The following ADCY8 variants were observed in gnomAD, a reference collection of about 807,000 sequenced individuals.
ADCY8 encodes adenylate cyclase 8.
ADCY8 carries 51 observed loss-of-function variants against 119.7 expected under a neutral mutation model. The observed-to-expected ratio is 0.43, with a 90% CI of 0.34 to 0.54. The LOEUF (loss-of-function observed/expected upper bound fraction) is 0.54. Ranked by LOEUF, ADCY8 falls within the 20% of genes least tolerant of loss-of-function variation. The pLI is 0.03. For missense variants in ADCY8, 1,383 were observed against 1,598.8 expected (o/e 0.87, Z 2.30); for synonymous variants, 665 against 651.0 (o/e 1.02, Z -0.33).
intron 2 of ADCY8, among the ~76,000 whole-genome samples, chr8:130,979,993 A>G (rs1222600566): frequency 2.0e-5 from 3 of 152,196 alleles, no homozygotes; most frequent in Non-Finnish European, 4.4e-5. Context: ...TGGAGGTCAG[A>G]AGTCTGAAAG....
At position 131,040,106 on chromosome 8, in the gene ADCY8, G is replaced by T. The variant is rs1309437233; in HGVS notation, c.228C>A (p.Pro76=). The T allele has an allele frequency of 1.4e-5, 22 of 1,527,364 alleles. No homozygotes were observed. The highest frequency in any genetic ancestry group is 1.9e-5 in the Non-Finnish European group (22 of 1,143,830). 94.6% of individuals were successfully genotyped at this position (1,527,364 alleles called of 1,614,324 possible). A position where few individuals can be genotyped will look rare whatever the true frequency, so the allele number is the denominator to read the frequency against. The change falls in exon 1 of 18, where the codon CCC becomes CCA. Residue 76 remains proline (P), a synonymous_variant. Transcript: ENST00000286355. ...CTGACAGCTGCGGCGCGTGGTGGTTGGGGCCGCCGCCCGCAGGGTCCGAGG... is the reference window on the plus strand; with the variant it reads ...CTGACAGCTGCGGCGCGTGGTGGTTTGGGCCGCCGCCCGCAGGGTCCGAGG... The part of the protein sequence containing the change: ...GKASDPAGGG[P]NHHAPQLSGD...
At chr8:131,005,851 C>T (rs138392067) in intron 1 of ADCY8, among the ~76,000 whole-genome samples, 63 of 152,316 alleles carry the variant, frequency 4.1e-4, no homozygotes, top group African/African-American at 1.5e-3. Context: ...GGTGCTTCAT[C>T]AAGCCTTGTG....
intron 1 of ADCY8, among the ~76,000 whole-genome samples, chr8:131,021,963 G>A (rs1460724501): frequency 6.6e-6 from 1 of 152,084 alleles, no homozygotes; most frequent in Non-Finnish European, 1.5e-5. Context: ...AGAATTATGT[G>A]GGCAACTAAG....
intron 15 of ADCY8, among the ~76,000 whole-genome samples, chr8:130,787,597 G>T (rs1021609698): frequency 6.6e-6 from 1 of 152,144 alleles, no homozygotes; most frequent in Non-Finnish European, 1.5e-5. Context: ...GTCTACATGT[G>T]TACAGTACAT....
intron 11 of ADCY8, among the ~76,000 whole-genome samples, chr8:130,846,888 TTTCC>T (rs767208726): frequency 0.018 from 357 of 19,782 alleles, 7 homozygotes; most frequent in South Asian, 0.027. Flanking sequence ...TTCCCTTCCC[TTTCC>T]TTCCTTCCTT....
intron 9 of ADCY8, among the ~76,000 whole-genome samples, chr8:130,852,254 T>G (rs1233812228): frequency 6.6e-6 from 1 of 151,840 alleles, no homozygotes; most frequent in African/African-American, 2.4e-5. Flanking sequence ...TTGGTAGAGG[T>G]TTTTTTTGTT....
intron 9 of ADCY8, among the ~76,000 whole-genome samples, chr8:130,860,747 G>T (rs1817899398): frequency 6.6e-6 from 1 of 152,046 alleles, no homozygotes; most frequent in Admixed American, 6.5e-5. Context: ...TAGGTTTTAA[G>T]CCCTGCATGC....
rs762353481 is a variant in ADCY8, at chr8:130,990,549, T to C, written c.961-7A>G. 28 of 1,612,944 alleles carry C rather than the reference T, an allele frequency of 1.7e-5. No individual in the cohort carries two copies. The highest frequency in any genetic ancestry group is 1.5e-4 in the Admixed American group (9 of 59,936). The stretch of plus-strand genomic sequence containing the variant: ...GCACTGCCTGGGCCACAACCTAAAA[T>C]AAACACAGTCTGGTCAGGCGCTTAA... On this transcript the variant is annotated splice_region_variant and splice_polypyrimidine_tract_variant and intron_variant, in intron 1 of 17. Coordinates refer to ENST00000286355, the MANE Select transcript of ADCY8 (RefSeq NM_001115.3).
chr8:131,021,729 C>A (rs552414744), intron 1 of ADCY8, among the ~76,000 whole-genome samples: 231 of 152,204 alleles, frequency 1.5e-3, no homozygotes, highest in African/African-American at 5.1e-3. Flanking sequence ...CTTGCTGCTG[C>A]CATGTGAAGA....
intron 1 of ADCY8, among the ~76,000 whole-genome samples, chr8:131,025,520 G>GC (rs1823795971): frequency 6.6e-6 from 1 of 152,190 alleles, no homozygotes; most frequent in African/African-American, 2.4e-5. Context: ...CGCGTGATGT[G>GC]CCAGTGTCCA....
chr8:130,964,661 C>T (rs1373891140), intron 2 of ADCY8, among the ~76,000 whole-genome samples: 2 of 152,114 alleles, frequency 1.3e-5, no homozygotes, highest in African/African-American at 2.4e-5. Context: ...ATTCTCAGTA[C>T]ATTTTAAGGA....
At chr8:130,850,435 A>C (rs1168517165) in intron 9 of ADCY8, among the ~76,000 whole-genome samples, 2 of 152,132 alleles carry the variant, frequency 1.3e-5, no homozygotes, top group African/African-American at 4.8e-5. Flanking sequence ...CAGGATGCTT[A>C]GTCAGTCTGT....
chr8:130,969,182 T>A (rs1162720280), intron 2 of ADCY8, among the ~76,000 whole-genome samples: 1 of 152,128 alleles, frequency 6.6e-6, no homozygotes, highest in Non-Finnish European at 1.5e-5. Context: ...AAGCAGATTG[T>A]CCTTCATAAT....
intron 1 of ADCY8, among the ~76,000 whole-genome samples, chr8:131,016,629 G>T (rs781090154): frequency 2.7e-4 from 41 of 152,288 alleles, no homozygotes; most frequent in Non-Finnish European, 3.5e-4. Flanking sequence ...AGAGGGAATA[G>T]CCAGTGGTAA....
At chr8:130,784,203 G>A (rs935155297) in intron 16 of ADCY8, among the ~76,000 whole-genome samples, 1 of 151,682 alleles carries the variant, frequency 6.6e-6, no homozygotes, top group Non-Finnish European at 1.5e-5. Context: ...TGTGGGTATG[G>A]GTATATGTGT....
intron 10 of ADCY8, among the ~76,000 whole-genome samples, chr8:130,848,775 G>T (rs1216654084): frequency 6.6e-6 from 1 of 152,144 alleles, no homozygotes; most frequent in African/African-American, 2.4e-5. Context: ...GGACAACACA[G>T]ACTACTTGTA....
At chr8:130,831,858 T>TG (rs1477780746) in intron 12 of ADCY8, among the ~76,000 whole-genome samples, 1 of 152,150 alleles carries the variant, frequency 6.6e-6, no homozygotes, top group Non-Finnish European at 1.5e-5. Flanking sequence ...GCAGCATTTG[T>TG]GATATGGAGG....
chr8:130,783,057 G>A lies in ADCY8; in HGVS notation c.3268+634C>T, dbSNP rs113442070. 3.3e-3 allele frequency among the ~76,000 whole-genome samples: 503 copies of A among 152,322 alleles called. 1 individual carries two copies. Among genetic ancestry groups the A allele is most frequent in the African/African-American group, 0.011 (467 of 41,570 alleles). On this transcript the variant is annotated intron_variant, in intron 17 of 17. Transcript: ENST00000286355. ...ATCTACAAAATGAGAATGTGGACTA[G>A]ACCAGGGATATTCAGACTGCATTTT...
At chr8:130,997,111 ATACT>A (rs964165806) in intron 1 of ADCY8, among the ~76,000 whole-genome samples, 3 of 152,178 alleles carry the variant, frequency 2.0e-5, no homozygotes, top group Admixed American at 6.6e-5. Flanking sequence ...TGCATTTAAA[ATACT>A]TAATGACATT....
Sources: gnomAD v4.1 joint callset for allele counts (sites outside exome capture counted in the v4.1 genomes callset) on GRCh38, gnomAD v4.1.1 for gene constraint, MANE v1.5 for transcripts, NCBI Gene and HGNC (gene_info 2026-07-23, HGNC 2026-07-21) for gene names.